LIFR: variants seen among roughly 807,000 people sequenced by gnomAD.
LIFR encodes leukemia inhibitory factor receptor.
LIFR carries 84 observed loss-of-function variants against 122.2 expected under a neutral mutation model. The ratio of observed to expected loss-of-function variants is 0.69; its 90% confidence interval spans 0.58 to 0.82. The LOEUF (loss-of-function observed/expected upper bound fraction) is 0.82. Ranked by LOEUF, LIFR falls within the 40% of genes least tolerant of loss-of-function variation. The probability of loss-of-function intolerance (pLI) is 0.00; values close to 1 mark genes in which losing one functional copy is unlikely to be tolerated. For missense variants in LIFR, 1,294 were observed against 1,311.6 expected (o/e 0.99, Z 0.21); for synonymous variants, 422 against 434.7 (o/e 0.97, Z 0.36).
intron 5 of LIFR, among the ~76,000 whole-genome samples, chr5:38,516,999 T>C (rs967529824): frequency 2.6e-5 from 4 of 151,264 alleles, no homozygotes; most frequent in African/African-American, 4.9e-5. Context: ...TAAGTGGGAG[T>C]TGAACAATGA....
chr5:38,500,947 G>A (rs983415539), intron 11 of LIFR, among the ~76,000 whole-genome samples: 1 of 152,196 alleles, frequency 6.6e-6, no homozygotes, highest in African/African-American at 2.4e-5. Flanking sequence ...GCACACTTAA[G>A]CAGGCCTAGA....
intron 13 of LIFR, 46 bp downstream of exon 13, chr5:38,496,336 A>G (rs372619182): frequency 1.4e-6 from 2 of 1,392,224 alleles, no homozygotes; most frequent in Admixed American, 1.7e-5. Context: ...GACATTTCTC[A>G]CTTTAGTTTC....
chr5:38,564,601 CACCA>C (rs200397391), intron 1 of LIFR, among the ~76,000 whole-genome samples: 2 of 152,066 alleles, frequency 1.3e-5, no homozygotes, highest in East Asian at 3.9e-4. Context: ...TATTCAAAAC[CACCA>C]ACAGCCGGGA....
chr5:38,535,521 AGAGCT>A (rs1747251717), intron 1 of LIFR, among the ~76,000 whole-genome samples: 1 of 152,190 alleles, frequency 6.6e-6, no homozygotes, highest in African/African-American at 2.4e-5. Context: ...TGACAATGTT[AGAGCT>A]GAGTGGCTAG....
Position 38,530,678 on chromosome 5 carries a change from G to C in LIFR, c.-19-12C>G. The C allele has an allele frequency of 1.2e-6, 2 of 1,611,786 alleles. No homozygotes were observed. The highest frequency in any genetic ancestry group is 1.7e-6 in the Non-Finnish European group (2 of 1,177,916). ...CAATGCAGTCAGTCCTAGGTTAGGA[G>C]AGGAATTCCAGATGGTGTTCAGATT... is the stretch of plus-strand genomic sequence containing the variant. On this transcript the variant is annotated splice_polypyrimidine_tract_variant and intron_variant, in intron 1 of 19. Coordinates refer to ENST00000453190, the MANE Select transcript of LIFR (RefSeq NM_001127671.2).
chr5:38,486,486 T>A (rs897803438), intron 16 of LIFR, among the ~76,000 whole-genome samples: 1 of 152,194 alleles, frequency 6.6e-6, no homozygotes, highest in African/African-American at 2.4e-5. Flanking sequence ...AGAAATCCTT[T>A]GGGTTATAAC....
intron 2 of LIFR, among the ~76,000 whole-genome samples, chr5:38,603,827 C>CATTCCTGTGG (rs1447874109): frequency 7.0e-4 from 107 of 152,314 alleles, no homozygotes; most frequent in African/African-American, 2.4e-3. Context: ...ATGTTTTCTT[C>CATTCCTGTGG]TCTTATTCAT....
intron 1 of LIFR, among the ~76,000 whole-genome samples, chr5:38,584,782 A>ATGTAAAAAATGGGGAC (rs1749694473): frequency 6.6e-6 from 1 of 152,198 alleles, no homozygotes; most frequent in East Asian, 1.9e-4. Flanking sequence ...TAGAGATCTC[A>ATGTAAAAAATGGGGAC]TGTAAAAAAT....
At chr5:38,542,627 G>T (rs73749275) in intron 1 of LIFR, among the ~76,000 whole-genome samples, 2,619 of 152,242 alleles carry the variant, frequency 0.017, 67 homozygotes, top group African/African-American at 0.06. Context: ...TGAGGCTCTA[G>T]CTTTTTCATG....
intron 11 of LIFR, among the ~76,000 whole-genome samples, chr5:38,501,578 C>G (rs1299913759): frequency 6.6e-6 from 1 of 152,018 alleles, no homozygotes; most frequent in African/African-American, 2.4e-5. Flanking sequence ...ACGGTGAAAC[C>G]CCATCTCTAC....
intron 11 of LIFR, 93 bp from the exon 12 acceptor site, chr5:38,499,676 A>G: frequency 1.1e-6 from 1 of 879,798 alleles, no homozygotes. Flanking sequence ...GGAATTCTCA[A>G]TAAAACGTGA....
chr5:38,539,308 T>G (rs1272431304), intron 1 of LIFR, among the ~76,000 whole-genome samples: 1 of 152,146 alleles, frequency 6.6e-6, no homozygotes, highest in African/African-American at 2.4e-5. Flanking sequence ...CTGTTTATGC[T>G]CCCACTGGAC....
Position 38,481,015 on chromosome 5 carries a change from T to C in LIFR, c.*580A>G, listed in dbSNP as rs972469393. ...TATACAGTAGGCACAGAAATAAGCA[T>C]ACTTTATCAAACAAAACACTAAATC... is the stretch of plus-strand genomic sequence containing the variant. On this transcript the variant is annotated 3_prime_UTR_variant, in exon 20 of 20. Coordinates refer to ENST00000453190, the MANE Select transcript of LIFR (RefSeq NM_001127671.2). 1.7e-5 allele frequency: 4 copies of C among 228,916 alleles called. No homozygotes were observed. The highest frequency in any genetic ancestry group is 5.3e-5 in the Admixed American group (1 of 18,858). The allele number at this position is 228,916 out of a possible 1,614,324, so 14.2% of individuals were successfully genotyped here.
intron 1 of LIFR, among the ~76,000 whole-genome samples, chr5:38,531,593 AT>A (rs144082633): frequency 0.3 from 45,427 of 151,838 alleles, 7,080 homozygotes; most frequent in East Asian, 0.41. Flanking sequence ...GGAAATAAAA[AT>A]AGCTCTTAGA....
intron 1 of LIFR, among the ~76,000 whole-genome samples, chr5:38,537,646 C>T (rs761445416): frequency 1.5e-5 from 2 of 135,936 alleles, no homozygotes; most frequent in Non-Finnish European, 3.1e-5. Flanking sequence ...GTACTTCTCA[C>T]TAATACCAAG....
chr5:38,494,878 G>A (rs960853211), intron 13 of LIFR, among the ~76,000 whole-genome samples: 1 of 152,160 alleles, frequency 6.6e-6, no homozygotes, highest in African/African-American at 2.4e-5. Context: ...ATTACCCACT[G>A]TAACAGGAGA....
chr5:38,543,266 C>T lies in LIFR; in HGVS notation c.-19-12600G>A, dbSNP rs560412663. On this transcript the variant is annotated intron_variant, in intron 1 of 19. Transcript: ENST00000453190. ...CCACAGGCCACATGCTCCAGGGAGG[C>T]CCAAGCACTTAACCTGTACTCTCTC... Among the ~76,000 whole-genome samples the T allele has an allele frequency of 2.1e-4, 32 of 152,084 alleles. No individual in the cohort carries two copies. In the South Asian group the frequency reaches 6.5e-3, roughly 31 times the overall value.
intron 17 of LIFR, 42 bp from the exon 18 acceptor site, chr5:38,484,910 G>T: frequency 7.4e-7 from 1 of 1,343,054 alleles, no homozygotes; most frequent in Non-Finnish European, 1.1e-6. Context: ...GCCATTTTTA[G>T]TGTGAAGTAC....
chr5:38,494,808 A>T (rs996138158), intron 13 of LIFR, among the ~76,000 whole-genome samples: 2 of 152,216 alleles, frequency 1.3e-5, no homozygotes, highest in Admixed American at 6.5e-5. Flanking sequence ...GGATGCAGCC[A>T]TGGGAGAGTA....
Sources: gnomAD v4.1 joint callset for allele counts (sites outside exome capture counted in the v4.1 genomes callset) on GRCh38, gnomAD v4.1.1 for gene constraint, MANE v1.5 for transcripts, NCBI Gene and HGNC (gene_info 2026-07-23, HGNC 2026-07-21) for gene names.